The following CCSER1 variants were observed in gnomAD, a reference collection of about 807,000 sequenced individuals.
The protein encoded by CCSER1 is serine-rich coiled-coil domain-containing protein 1.
Under a neutral mutation model 82.0 loss-of-function variants are expected in CCSER1, and 41 were observed. The observed-to-expected ratio is 0.50, with a 90% confidence interval of 0.39 to 0.65. The LOEUF is 0.65. CCSER1 is among the 30% of genes least tolerant of loss of function. CCSER1 has a pLI of 0.00. For synonymous variants in CCSER1, 414 were observed against 383.9 expected, an observed-to-expected ratio of 1.08 and a Z score of -0.92; for missense variants, 1,119 against 1,064.2, an observed-to-expected ratio of 1.05 and a Z score of -0.72.
At chr4:90,532,842 C>CTCCTCT (rs1774743078) in intron 5 of CCSER1, among the ~76,000 whole-genome samples, 1 of 152,090 alleles carries the variant, frequency 6.6e-6, no homozygotes, top group Admixed American at 6.5e-5. Flanking sequence ...GAGTAGCTTC[C>CTCCTCT]TCCTCTACTT....
intron 9 of CCSER1, among the ~76,000 whole-genome samples, chr4:91,006,235 G>T (rs1419111196): frequency 6.6e-6 from 1 of 151,240 alleles, no homozygotes; most frequent in African/African-American, 2.4e-5. Context: ...TCACCTTCTT[G>T]GTTAAATTTA....
intron 10 of CCSER1, among the ~76,000 whole-genome samples, chr4:91,533,572 G>C (rs187393756): frequency 1.1e-4 from 17 of 152,228 alleles, no homozygotes; most frequent in Non-Finnish European, 2.1e-4. Context: ...TTTGCAGAAG[G>C]CTGGCTATGA....
chr4:90,804,299 T>C (rs12512710), intron 7 of CCSER1, among the ~76,000 whole-genome samples: 90,580 of 151,962 alleles, frequency 0.6, 27,129 homozygotes, highest in East Asian at 0.65. Context: ...TGCCTATGTC[T>C]TGAATGGTAT....
At chr4:90,962,063 C>T (rs1186637058) in intron 9 of CCSER1, among the ~76,000 whole-genome samples, 1 of 152,030 alleles carries the variant, frequency 6.6e-6, no homozygotes, top group African/African-American at 2.4e-5. Flanking sequence ...TCTCATAACA[C>T]TTTGAGAAAA....
intron 3 of CCSER1, among the ~76,000 whole-genome samples, chr4:90,367,135 A>G (rs1018323552): frequency 3.3e-5 from 5 of 151,906 alleles, no homozygotes; most frequent in African/African-American, 9.7e-5. Flanking sequence ...AACTAACACT[A>G]CTAAAGCAAA....
chr4:91,443,941 G>T (rs989926026), intron 10 of CCSER1, among the ~76,000 whole-genome samples: 29 of 151,954 alleles, frequency 1.9e-4, no homozygotes, highest in Admixed American at 1.8e-3. Context: ...TACCCTTATT[G>T]AATCTGAGGA....
chr4:90,788,196 T>G (rs1754775564), intron 7 of CCSER1, among the ~76,000 whole-genome samples: 1 of 152,182 alleles, frequency 6.6e-6, no homozygotes. Context: ...TGTACTCTAT[T>G]TTTTTACATC....
At chr4:91,016,443 A>T (rs1367500163) in intron 9 of CCSER1, among the ~76,000 whole-genome samples, 4 of 152,162 alleles carry the variant, frequency 2.6e-5, no homozygotes, top group East Asian at 1.9e-4. Flanking sequence ...TTAAATAATC[A>T]TCAGTATTAT....
At chr4:90,847,340 G>A (rs1763344548) in intron 8 of CCSER1, among the ~76,000 whole-genome samples, 1 of 152,184 alleles carries the variant, frequency 6.6e-6, no homozygotes, top group Admixed American at 6.5e-5. Flanking sequence ...CTGGCCTGCG[G>A]CAGTGTCCCC....
intron 9 of CCSER1, among the ~76,000 whole-genome samples, chr4:90,989,897 G>A (rs17265801): frequency 0.31 from 47,559 of 151,516 alleles, 7,891 homozygotes; most frequent in Non-Finnish European, 0.37. Flanking sequence ...GGGACGATCC[G>A]GAAATATATA....
chr4:90,702,286 A>G (rs1273109767), intron 6 of CCSER1, among the ~76,000 whole-genome samples: 3 of 151,976 alleles, frequency 2.0e-5, no homozygotes, highest in Non-Finnish European at 4.4e-5. Context: ...ATTGGTTTTC[A>G]TATGTTTAAC....
chr4:91,413,268 C>A lies in CCSER1; in HGVS notation c.2218-185304C>A, dbSNP rs185270268. On this transcript the variant is annotated intron_variant, in intron 10 of 10. Transcript: ENST00000509176. ...GACCAGCCTGGGAAACATAGCAAGA[C>A]CTTATCTCTACAAAAATGTTAAAAT... Among the ~76,000 whole-genome samples, 1,052 of 152,092 alleles carry A rather than the reference C, an allele frequency of 6.9e-3. 8 individuals carry two copies. Among genetic ancestry groups the A allele is most frequent in the African/African-American group, 0.024 (990 of 41,466 alleles).
At position 91,517,772 on chromosome 4, in the gene CCSER1, G is replaced by A. The variant is rs1760218159; in HGVS notation, c.2218-80800G>A. Among the ~76,000 whole-genome samples, 2 of 141,696 alleles carry A rather than the reference G, an allele frequency of 1.4e-5. 1 individual carries two copies. Among genetic ancestry groups the A allele is most frequent in the African/African-American group, 5.2e-5 (2 of 38,384 alleles). 93.0% of individuals were successfully genotyped at this position (141,696 alleles called of 152,430 possible). On this transcript the variant is annotated intron_variant, in intron 10 of 10. Transcript: ENST00000509176. ...TGTGTGTGTGTGTGTGTGTGTGTGT[G>A]TGTGTGTGTGTGTTTAACTTTGATA...
chr4:90,310,196 C>T (rs1735050648), intron 2 of CCSER1, among the ~76,000 whole-genome samples: 1 of 152,020 alleles, frequency 6.6e-6, no homozygotes, highest in East Asian at 1.9e-4. Flanking sequence ...AGACAGGTTT[C>T]AACTCTGCCT....
At chr4:91,480,579 G>C (rs1056564274) in intron 10 of CCSER1, among the ~76,000 whole-genome samples, 3 of 152,138 alleles carry the variant, frequency 2.0e-5, no homozygotes, top group Non-Finnish European at 4.4e-5. Context: ...TCTGTGTACT[G>C]TAACAGAAAT....
chr4:90,985,311 T>A (rs1402736479), intron 9 of CCSER1, among the ~76,000 whole-genome samples: 4 of 151,672 alleles, frequency 2.6e-5, no homozygotes, highest in Non-Finnish European at 5.9e-5. Flanking sequence ...AGTGATAGGC[T>A]TTTATTCCTT....
At chr4:90,157,749 A>G (rs903795607) in intron 1 of CCSER1, among the ~76,000 whole-genome samples, 1 of 151,878 alleles carries the variant, frequency 6.6e-6, no homozygotes, top group African/African-American at 2.4e-5. Flanking sequence ...ACTTCTCTGT[A>G]TTGGTTATTC....
chr4:91,155,999 T>C (rs1730778307), intron 10 of CCSER1, among the ~76,000 whole-genome samples: 1 of 151,816 alleles, frequency 6.6e-6, no homozygotes, highest in South Asian at 2.1e-4. Flanking sequence ...AAAAGTGTTA[T>C]TAAGACCCTA....
At chr4:90,570,419 C>T (rs1303378807) in intron 5 of CCSER1, among the ~76,000 whole-genome samples, 1 of 152,102 alleles carries the variant, frequency 6.6e-6, no homozygotes, top group Non-Finnish European at 1.5e-5. Context: ...TAGTTACAAA[C>T]CCATGGTGCC....
Sources: gnomAD v4.1 joint callset for allele counts (sites outside exome capture counted in the v4.1 genomes callset) on GRCh38, gnomAD v4.1.1 for gene constraint, MANE v1.5 for transcripts, NCBI Gene and HGNC (gene_info 2026-07-23, HGNC 2026-07-21) for gene names.